Variants in CRISPLD1 observed in about 807,000 individuals in gnomAD.
The protein encoded by CRISPLD1 is cysteine-rich secretory protein LCCL domain-containing 1.
CRISPLD1 carries 60 observed loss-of-function variants against 77.5 expected under a neutral mutation model. The ratio of observed to expected loss-of-function variants is 0.77; its 90% CI spans 0.63 to 0.96. The LOEUF (loss-of-function observed/expected upper bound fraction) is 0.96. Among genes scored for constraint, CRISPLD1 ranks in the 40% least tolerant of loss-of-function variants. The pLI is 0.00. For synonymous variants in CRISPLD1, 195 were observed against 200.1 expected, an observed-to-expected ratio of 0.97 and a Z score of 0.22; for missense variants, 623 against 615.8, an observed-to-expected ratio of 1.01 and a Z score of -0.12.
At chr8:75,001,855 A>G (rs1812747729) in intron 2 of CRISPLD1, among the ~76,000 whole-genome samples, 1 of 152,168 alleles carries the variant, frequency 6.6e-6, no homozygotes, top group African/African-American at 2.4e-5. Context: ...CTTACTTATG[A>G]TGAAACGTTT....
intron 14 of CRISPLD1, among the ~76,000 whole-genome samples, chr8:75,030,152 A>C (rs1261009506): frequency 2.6e-5 from 4 of 152,174 alleles, no homozygotes; most frequent in Non-Finnish European, 5.9e-5. Flanking sequence ...GTAATATTAA[A>C]AGTCCTATTT....
chr8:75,003,777 G>A (rs1587010906), intron 2 of CRISPLD1, among the ~76,000 whole-genome samples: 1 of 152,022 alleles, frequency 6.6e-6, no homozygotes, highest in Non-Finnish European at 1.5e-5. Context: ...CTTGGGGCAG[G>A]GGACCTTGAC....
At chr8:75,012,134 T>C (rs1199032854) in intron 2 of CRISPLD1, among the ~76,000 whole-genome samples, 2 of 152,050 alleles carry the variant, frequency 1.3e-5, no homozygotes, top group African/African-American at 4.8e-5. Context: ...TTGGACTTTA[T>C]GTATATGGGG....
chr8:75,016,863 G>A lies in CRISPLD1; in HGVS notation c.869-18G>A, dbSNP rs1468741693. Reference sequence around the variant, plus strand: ...CTTTTATATTATTTAAGTTATTTAGGTATTTTTTTCTTTGTAGCCCAAATT... The same window carrying A: ...CTTTTATATTATTTAAGTTATTTAGATATTTTTTTCTTTGTAGCCCAAATT... On this transcript the variant is annotated intron_variant, in intron 7 of 14. Transcript: ENST00000262207. 1.9e-6 allele frequency: 3 copies of A among 1,549,884 alleles called. No homozygotes were observed. The highest frequency in any genetic ancestry group is 2.6e-6 in the Non-Finnish European group (3 of 1,144,856).
chr8:75,010,964 A>G (rs1024887974), intron 2 of CRISPLD1, among the ~76,000 whole-genome samples: 15 of 151,848 alleles, frequency 9.9e-5, no homozygotes, highest in African/African-American at 3.6e-4. Flanking sequence ...ATGCATGGAA[A>G]TACCTAGACA....
chr8:75,008,416 A>G (rs1368711451), intron 2 of CRISPLD1, among the ~76,000 whole-genome samples: 3 of 152,208 alleles, frequency 2.0e-5, no homozygotes, highest in African/African-American at 2.4e-5. Context: ...TGGGGTGGGT[A>G]GAACTTACTG....
Position 75,029,531 on chromosome 8 carries a change from A to T in CRISPLD1, c.1451+14A>T, listed in dbSNP as rs769341920. 1.9e-6 allele frequency: 3 copies of T among 1,606,274 alleles called. No homozygotes were observed. The highest frequency in any genetic ancestry group is 2.6e-6 in the Non-Finnish European group (3 of 1,173,574). ...CTTCTCAGAAAGGTAAAAACAAAACATATGTATGTATACTTTTAAATACCA... is the reference window on the plus strand; with the variant it reads ...CTTCTCAGAAAGGTAAAAACAAAACTTATGTATGTATACTTTTAAATACCA... On this transcript the variant is annotated intron_variant, in intron 14 of 14. Coordinates refer to ENST00000262207, the MANE Select transcript of CRISPLD1 (RefSeq NM_031461.6).
chr8:75,030,315 T>C (rs1027018409), intron 14 of CRISPLD1, among the ~76,000 whole-genome samples: 1 of 152,084 alleles, frequency 6.6e-6, no homozygotes, highest in African/African-American at 2.4e-5. Context: ...CTCACAAAAA[T>C]ACAAATCTGC....
At position 75,014,023 on chromosome 8, in the gene CRISPLD1, A is replaced by G. The variant is rs777921255; in HGVS notation, c.547A>G (p.Ile183Val). ...AACTAGTAACAGAATCGGTTGTGCCATTAATTTGTGTCATAACATGAACAT... is the reference window on the plus strand; with the variant it reads ...AACTAGTAACAGAATCGGTTGTGCCGTTAATTTGTGTCATAACATGAACAT... ...WATSNRIGCA[I>V]NLCHNMNIWG... Residue 183 changes from isoleucine (I) to valine (V), a missense_variant, in exon 5 of 15, where the codon ATT becomes GTT. Ile to Val is a conservative substitution (Grantham distance 29). Transcript: ENST00000262207. 6.2e-7 allele frequency: 1 copy of G among 1,613,246 alleles called. No individual in the cohort carries two copies. The highest frequency in any genetic ancestry group is 1.1e-5 in the South Asian group (1 of 91,068).
chr8:74,993,120 A>G (rs1812598582), intron 2 of CRISPLD1, among the ~76,000 whole-genome samples: 1 of 152,198 alleles, frequency 6.6e-6, no homozygotes, highest in Non-Finnish European at 1.5e-5. Flanking sequence ...AAATGTAGAT[A>G]AAGAAATGAT....
At chr8:75,012,794 G>T in intron 3 of CRISPLD1, 96 bp from the exon 4 acceptor site, 1 of 1,375,172 alleles carries the variant, frequency 7.3e-7, no homozygotes, top group Non-Finnish European at 9.9e-7. Context: ...ACGCCAAAGT[G>T]TCTTTCTACC....
At chr8:75,004,220 T>C (rs1812791825) in intron 2 of CRISPLD1, among the ~76,000 whole-genome samples, 1 of 152,130 alleles carries the variant, frequency 6.6e-6, no homozygotes, top group South Asian at 2.1e-4. Context: ...AACACAAGTG[T>C]TTCCTTTGAA....
chr8:74,992,658 A>AT (rs1812589098), intron 2 of CRISPLD1, among the ~76,000 whole-genome samples: 1 of 152,118 alleles, frequency 6.6e-6, no homozygotes, highest in South Asian at 2.1e-4. Flanking sequence ...TGGGGGGTTG[A>AT]TTGCTATGCA....
chr8:74,993,827 G>A (rs543645490), intron 2 of CRISPLD1, among the ~76,000 whole-genome samples: 18 of 152,288 alleles, frequency 1.2e-4, no homozygotes, highest in Non-Finnish European at 2.4e-4. Context: ...TAAATGCCAG[G>A]CACTATCTAG....
rs1178454369 is a variant in CRISPLD1 at position 74,996,709 on chromosome 8, C to CTT, written c.258+10490_258+10491dup. On this transcript the variant is annotated intron_variant, in intron 2 of 14. Transcript: ENST00000262207. The stretch of plus-strand genomic sequence containing the variant: ...TAGACATACCAGCATGAGCCAGAAT[C>CTT]TTTTTTTTTTTTTTTTTTTTTTTTT... Among the ~76,000 whole-genome samples, 235 of 73,386 alleles carry CTT rather than the reference C, an allele frequency of 3.2e-3. 15 individuals are homozygous for CTT. The highest frequency in any genetic ancestry group is 6.8e-3 in the South Asian group (13 of 1,900). The allele number at this position is 73,386 out of a possible 152,430, so 48.1% of individuals were successfully genotyped here.
intron 2 of CRISPLD1, among the ~76,000 whole-genome samples, chr8:74,992,352 CAT>C (rs35860286): frequency 0.071 from 10,766 of 152,140 alleles, 425 homozygotes; most frequent in South Asian, 0.095. Flanking sequence ...TGTCCTATAA[CAT>C]AGAGCTACTA....
intron 10 of CRISPLD1, among the ~76,000 whole-genome samples, chr8:75,018,025 T>C (rs1813065886): frequency 6.6e-6 from 1 of 152,198 alleles, no homozygotes; most frequent in African/African-American, 2.4e-5. Context: ...ATGTACCGTA[T>C]AGAAAGTAGA....
intron 13 of CRISPLD1, among the ~76,000 whole-genome samples, chr8:75,027,791 G>C (rs1398996061): frequency 6.6e-6 from 1 of 151,980 alleles, no homozygotes; most frequent in African/African-American, 2.4e-5. Context: ...CATTTATAGA[G>C]CTAGACCTTG....
At position 75,016,459 on chromosome 8, in the gene CRISPLD1, T is replaced by G. The variant is rs1813028161; in HGVS notation, c.728-106T>G. The G allele has an allele frequency of 2.6e-6, 3 of 1,138,662 alleles. No homozygotes were observed. The East Asian group carries it at 7.7e-5, about 29-fold the overall frequency. The allele number at this position is 1,138,662 out of a possible 1,614,324, so 70.5% of individuals were successfully genotyped here. ...CTGTGCAGAAAAACAGTACTGATTT[T>G]TCTAGTTCTAAATGTTAAATAGGAG... On this transcript the variant is annotated intron_variant, in intron 6 of 14. Transcript: ENST00000262207.
Sources: gnomAD v4.1 joint callset for allele counts (sites outside exome capture counted in the v4.1 genomes callset) on GRCh38, gnomAD v4.1.1 for gene constraint, MANE v1.5 for transcripts, NCBI Gene and HGNC (gene_info 2026-07-23, HGNC 2026-07-21) for gene names.